Variants in MYO16 observed in about 807,000 individuals in gnomAD.
MYO16 encodes myosin XVI.
A neutral mutation model predicts 205.3 loss-of-function variants in MYO16; 94 were observed. The ratio of observed to expected loss-of-function variants is 0.46; its 90% CI spans 0.39 to 0.54. The LOEUF is 0.54. Ranked by LOEUF, MYO16 falls within the 20% of genes least tolerant of loss-of-function variation. MYO16 has a pLI of 0.00. For synonymous variants in MYO16, 988 were observed against 954.0 expected (o/e 1.04, Z -0.66); for missense variants, 2,315 against 2,387.5 (o/e 0.97, Z 0.63).
intron 1 of MYO16, among the ~76,000 whole-genome samples, chr13:108,636,328 A>C (rs1594162974): frequency 6.9e-6 from 1 of 144,256 alleles, no homozygotes; most frequent in African/African-American, 2.6e-5. Context: ...AACTAGTCTT[A>C]AATGAAAAAA....
At chr13:108,544,972 A>G in the MYO16 span, among the ~76,000 whole-genome samples, 2 of 151,878 alleles carry the variant, frequency 1.3e-5, no homozygotes, top group South Asian at 4.2e-4. Flanking sequence ...TCCATTGTGT[A>G]TAAGTACCAC....
the MYO16 span, among the ~76,000 whole-genome samples, chr13:108,527,319 T>G: frequency 1.3e-5 from 2 of 152,192 alleles, no homozygotes; most frequent in East Asian, 3.8e-4. Flanking sequence ...GCAGATTAAC[T>G]GTAGTCAAGT....
rs193227772 is a variant in MYO16 at position 108,843,213 on chromosome 13, A to G, written c.1098-1130A>G. On this transcript the variant is annotated intron_variant, in intron 9 of 34. Transcript: ENST00000457511. ...ATAGAATTGTAGTTGCCTTTACAAA[A>G]TGTATATCTAATCACATTATACACC... Among the ~76,000 whole-genome samples, 251 of 152,104 alleles carry G rather than the reference A, an allele frequency of 1.7e-3. 1 individual carries two copies. Among genetic ancestry groups the G allele is most frequent in the Non-Finnish European group, 1.6e-4 (11 of 67,988 alleles).
chr13:108,725,532 A>G (rs1266990044), intron 3 of MYO16, among the ~76,000 whole-genome samples: 1 of 152,152 alleles, frequency 6.6e-6, no homozygotes, highest in East Asian at 1.9e-4. Flanking sequence ...CCTCCACTGA[A>G]GCAAAACACA....
chr13:108,837,827 A>C (rs970442876), intron 9 of MYO16, among the ~76,000 whole-genome samples: 1 of 152,216 alleles, frequency 6.6e-6, no homozygotes, highest in Non-Finnish European at 1.5e-5. Flanking sequence ...ACTTCTTCTA[A>C]AGAAAAGTAT....
intron 27 of MYO16, among the ~76,000 whole-genome samples, chr13:109,077,687 C>T (rs868734568): frequency 3.3e-5 from 5 of 152,154 alleles, no homozygotes; most frequent in South Asian, 4.1e-4. Context: ...TTTGTTCTTC[C>T]GTACACAGTA....
chr13:109,168,480 T>C (rs946146312), intron 33 of MYO16, among the ~76,000 whole-genome samples: 23 of 152,190 alleles, frequency 1.5e-4, no homozygotes, highest in African/African-American at 4.8e-4. Flanking sequence ...TCCCAGCACT[T>C]TGGGAGGCCG....
At chr13:108,898,636 G>T (rs1005521161) in intron 15 of MYO16, among the ~76,000 whole-genome samples, 1 of 151,796 alleles carries the variant, frequency 6.6e-6, no homozygotes, top group Non-Finnish European at 1.5e-5. Context: ...AAATCTATTT[G>T]AAATAAAACT....
intron 9 of MYO16, among the ~76,000 whole-genome samples, 162 bp from the exon 10 acceptor site, chr13:108,844,181 A>T (rs1024563864): frequency 6.6e-6 from 1 of 152,164 alleles, no homozygotes; most frequent in Non-Finnish European, 1.5e-5. Context: ...TAATTTTTTA[A>T]AAGTTTACAG....
chr13:108,759,836 A>C (rs1885547202), intron 4 of MYO16, among the ~76,000 whole-genome samples: 1 of 149,274 alleles, frequency 6.7e-6, no homozygotes, highest in African/African-American at 2.5e-5. Context: ...AAAAAAAAAA[A>C]ATCTGAATTC....
chr13:108,985,806 TA>T (rs1214941570), intron 20 of MYO16, among the ~76,000 whole-genome samples: 1 of 152,230 alleles, frequency 6.6e-6, no homozygotes, highest in Non-Finnish European at 1.5e-5. Flanking sequence ...AACAAATATT[TA>T]TCTAATAATC....
intron 7 of MYO16, 55 bp downstream of exon 7, chr13:108,806,859 T>TTCAATTTTGATTTGAATATGAATAA (rs1416269811): frequency 1.6e-6 from 2 of 1,225,896 alleles, no homozygotes; most frequent in East Asian, 5.7e-5. Flanking sequence ...TAATGAATAA[T>TTCAATTTTGATTTGAATATGAATAA]TTCATATTCA....
chr13:109,075,925 G>A (rs1157667823), intron 27 of MYO16, among the ~76,000 whole-genome samples: 1 of 152,176 alleles, frequency 6.6e-6, no homozygotes, highest in Non-Finnish European at 1.5e-5. Context: ...ATTTATCAGA[G>A]AAGCCACTTG....
At chr13:108,939,849 A>G (rs1882648641) in intron 16 of MYO16, among the ~76,000 whole-genome samples, 1 of 152,146 alleles carries the variant, frequency 6.6e-6, no homozygotes, top group African/African-American at 2.4e-5. Context: ...GATGCGTCAT[A>G]TATATAATAT....
the MYO16 span, among the ~76,000 whole-genome samples, chr13:108,579,997 A>T: frequency 3.3e-5 from 5 of 152,200 alleles, no homozygotes; most frequent in African/African-American, 1.2e-4. Flanking sequence ...CAGGGATTCC[A>T]ATGACATTGA....
intron 4 of MYO16, among the ~76,000 whole-genome samples, chr13:108,757,483 T>G (rs1885457411): frequency 6.6e-6 from 1 of 152,096 alleles, no homozygotes. Flanking sequence ...TTTTTTGGGG[T>G]TTTTTTTAAT....
intron 20 of MYO16, among the ~76,000 whole-genome samples, chr13:108,989,423 A>G (rs181431429): frequency 6.6e-6 from 1 of 152,198 alleles, no homozygotes; most frequent in African/African-American, 2.4e-5. Context: ...CAATATCTCC[A>G]TTTCCTCTTT....
At position 108,685,372 on chromosome 13, in the gene MYO16, G is replaced by C. The variant is rs571607685; in HGVS notation, c.292+19223G>C. 5.9e-5 allele frequency among the ~76,000 whole-genome samples: 9 copies of C among 152,260 alleles called. No homozygotes were observed. In the East Asian group the frequency reaches 1.4e-3, roughly 23 times the overall value. ...TCAGAAGTACTGGCTACAACCTGGG[G>C]CTCAGAACTGGCATCTGAAATGGGA... On this transcript the variant is annotated intron_variant, in intron 2 of 34. Transcript: ENST00000457511.
chr13:109,146,230 T>C (rs1487014227), intron 32 of MYO16, among the ~76,000 whole-genome samples: 1 of 152,216 alleles, frequency 6.6e-6, no homozygotes, highest in African/African-American at 2.4e-5. Context: ...TTTTATTTGA[T>C]TACATAAATA....
Sources: gnomAD v4.1 joint callset for allele counts (sites outside exome capture counted in the v4.1 genomes callset) on GRCh38, gnomAD v4.1.1 for gene constraint, MANE v1.5 for transcripts, NCBI Gene and HGNC (gene_info 2026-07-23, HGNC 2026-07-21) for gene names.